Variants in EML5 observed in about 807,000 individuals in gnomAD.
EML5 encodes the protein EMAP like 5.
EML5 carries 120 observed loss-of-function variants against 250.0 expected under a neutral mutation model. The ratio of observed to expected loss-of-function variants is 0.48; its 90% CI spans 0.41 to 0.56. EML5 has a LOEUF of 0.56. Among genes scored for constraint, EML5 ranks in the 20% least tolerant of loss-of-function variants. The probability of loss-of-function intolerance (pLI) is 0.00; values close to 1 mark genes in which losing one functional copy is unlikely to be tolerated. For synonymous variants in EML5, 771 were observed against 806.5 expected, an observed-to-expected ratio of 0.96 and a Z score of 0.75; for missense variants, 2,006 against 2,437.6, an observed-to-expected ratio of 0.82 and a Z score of 3.73.
In EML5 at chr14:88,687,259, C is replaced by T. The variant is rs1389069233; in HGVS notation, c.2811G>A (p.Lys937=). ...LWDDSFERCL[K]TYAIKRAALA... ...ATGCAGCTCTTTTTATAGCATAGGT[C>T]TTGAGACATCTTTCAAAAGAGTCAT... The change falls in exon 19 of 44, where the codon AAG becomes AAA. Residue 937 remains lysine (K), a synonymous_variant. Transcript: ENST00000554922. 5.0e-6 allele frequency: 8 copies of T among 1,612,124 alleles called. No homozygotes were observed. In the African/African-American group the frequency reaches 1.1e-4, roughly 22 times the overall value.
intron 2 of EML5, 75 bp downstream of exon 2, chr14:88,754,437 T>G: frequency 7.7e-7 from 1 of 1,299,524 alleles, no homozygotes; most frequent in Non-Finnish European, 1.0e-6. Context: ...CAATTTAATA[T>G]TTATAGATTT....
intron 37 of EML5, chr14:88,621,529 G>C: frequency 1.8e-6 from 1 of 555,430 alleles, no homozygotes; most frequent in South Asian, 2.5e-5. Flanking sequence ...CTACAGAATA[G>C]AACTTTTCTG....
intron 10 of EML5, 57 bp downstream of exon 10, chr14:88,712,214 G>GA: frequency 8.1e-7 from 1 of 1,227,478 alleles, no homozygotes; most frequent in East Asian, 2.3e-5. Flanking sequence ...TTTTCTGCAA[G>GA]AACACGAAAG....
intron 10 of EML5, among the ~76,000 whole-genome samples, chr14:88,710,644 G>A (rs563337700): frequency 4.5e-4 from 68 of 152,042 alleles, no homozygotes; most frequent in Admixed American, 1.1e-3. Context: ...TGCAGTAGTC[G>A]TATTCTGTCT....
intron 36 of EML5, chr14:88,624,665 G>A (rs1223862208): frequency 4.0e-6 from 1 of 249,408 alleles, no homozygotes; most frequent in Admixed American, 5.2e-5. Context: ...TTCCCCCATG[G>A]GCCTCCTACT....
chr14:88,727,108 C>T (rs1039293590), intron 7 of EML5, among the ~76,000 whole-genome samples: 6 of 152,108 alleles, frequency 3.9e-5, no homozygotes, highest in African/African-American at 1.4e-4. Flanking sequence ...GCATAATAAA[C>T]ACAATGTTTT....
chr14:88,693,658 T>A (rs972364633), intron 17 of EML5, among the ~76,000 whole-genome samples: 1 of 151,790 alleles, frequency 6.6e-6, no homozygotes, highest in Admixed American at 6.6e-5. Flanking sequence ...AAATTACTTT[T>A]AAAAAATAAA....
chr14:88,675,515 C>A (rs1470157483), intron 21 of EML5, among the ~76,000 whole-genome samples: 1 of 152,206 alleles, frequency 6.6e-6, no homozygotes, highest in Non-Finnish European at 1.5e-5. Context: ...AGTAGAGGGG[C>A]CCGTGGCCTG....
chr14:88,622,775 T>A, intron 36 of EML5, 57 bp from the exon 37 acceptor site: 1 of 1,229,928 alleles, frequency 8.1e-7, no homozygotes, highest in Non-Finnish European at 1.1e-6. Context: ...TAATTTTTAT[T>A]ATAAACAAAT....
At chr14:88,772,752 CA>C (rs796136592) in intron 1 of EML5, among the ~76,000 whole-genome samples, 177 of 142,110 alleles carry the variant, frequency 1.2e-3, no homozygotes, top group Middle Eastern at 7.1e-3. Context: ...GACTCCATCT[CA>C]AAAAAAAAAA....
intron 27 of EML5, among the ~76,000 whole-genome samples, chr14:88,653,205 TAG>T (rs764830117): frequency 5.3e-5 from 8 of 152,198 alleles, no homozygotes; most frequent in Non-Finnish European, 8.8e-5. Context: ...GCTGAGACAA[TAG>T]AGTTTTCTAA....
chr14:88,639,961 G>A (rs571773516), intron 31 of EML5, among the ~76,000 whole-genome samples: 1 of 152,272 alleles, frequency 6.6e-6, no homozygotes, highest in South Asian at 2.1e-4. Context: ...GTAAGGCTAT[G>A]ACAGTAGTCC....
chr14:88,712,893 T>C (rs1780515199), intron 9 of EML5, among the ~76,000 whole-genome samples: 1 of 152,058 alleles, frequency 6.6e-6, no homozygotes, highest in African/African-American at 2.4e-5. Context: ...AAGAGAGAAC[T>C]GGAAAAGACC....
chr14:88,678,490 T>G (rs2092646696), intron 21 of EML5, among the ~76,000 whole-genome samples: 1 of 152,144 alleles, frequency 6.6e-6, no homozygotes, highest in Non-Finnish European at 1.5e-5. Flanking sequence ...CCTAACGGCA[T>G]AGCAGACTAG....
intron 2 of EML5, among the ~76,000 whole-genome samples, chr14:88,753,739 T>C (rs2094127480): frequency 6.6e-6 from 1 of 152,240 alleles, no homozygotes; most frequent in African/African-American, 2.4e-5. Context: ...AATTATATCC[T>C]TTGTTGTGAA....
At chr14:88,644,294 C>G in intron 30 of EML5, 139 bp downstream of exon 30, 2 of 683,268 alleles carry the variant, frequency 2.9e-6, no homozygotes, top group Non-Finnish European at 4.8e-6. Flanking sequence ...AAAACTCAGA[C>G]TTACATAAGA....
chr14:88,715,242 GAATT>G (rs765635022), intron 8 of EML5, 47 bp from the exon 9 acceptor site: 28 of 1,506,736 alleles, frequency 1.9e-5, no homozygotes, highest in South Asian at 6.4e-5. Context: ...AGTCACAACA[GAATT>G]AATGCCGTTT....
chr14:88,686,277 T>C (rs372630404), intron 19 of EML5, among the ~76,000 whole-genome samples: 104 of 152,250 alleles, frequency 6.8e-4, no homozygotes, highest in African/African-American at 2.4e-3. Context: ...AGTGTGGTGC[T>C]ATGCCTTAAA....
chr14:88,734,788 A>G (rs764701225), intron 7 of EML5, among the ~76,000 whole-genome samples: 48 of 152,232 alleles, frequency 3.2e-4, no homozygotes, highest in Admixed American at 1.0e-3. Flanking sequence ...AAAATACACT[A>G]TGGGTATGCA....
Sources: gnomAD v4.1 joint callset for allele counts (sites outside exome capture counted in the v4.1 genomes callset) on GRCh38, gnomAD v4.1.1 for gene constraint, MANE v1.5 for transcripts, NCBI Gene and HGNC (gene_info 2026-07-23, HGNC 2026-07-21) for gene names.